Variants in ELMO1 observed in about 807,000 individuals in gnomAD.
The protein encoded by ELMO1 is engulfment and cell motility protein 1.
A neutral mutation model predicts 98.9 loss-of-function variants in ELMO1; 26 were observed. The observed-to-expected ratio is 0.26, with a 90% CI of 0.19 to 0.36. ELMO1 has a LOEUF of 0.36. ELMO1 is among the 10% of genes least tolerant of loss of function. The pLI, the probability that ELMO1 is intolerant of heterozygous loss-of-function variation, is 1.00. For synonymous variants in ELMO1, 346 were observed against 346.0 expected, an observed-to-expected ratio of 1.00 and a Z score of 0.00; for missense variants, 627 against 935.2, an observed-to-expected ratio of 0.67 and a Z score of 4.30.
intron 1 of ELMO1, among the ~76,000 whole-genome samples, chr7:37,355,269 C>A (rs1300210535): frequency 6.6e-6 from 1 of 152,172 alleles, no homozygotes; most frequent in Non-Finnish European, 1.5e-5. Context: ...GACAGAGGTA[C>A]CTTTCTCATG....
At chr7:37,308,597 G>A (rs1302174399) in intron 4 of ELMO1, among the ~76,000 whole-genome samples, 1 of 152,234 alleles carries the variant, frequency 6.6e-6, no homozygotes, top group Non-Finnish European at 1.5e-5. Context: ...TTCAGGTAAA[G>A]ATTTATTTTG....
At chr7:37,319,329 C>A (rs1286858561) in intron 2 of ELMO1, among the ~76,000 whole-genome samples, 2 of 152,300 alleles carry the variant, frequency 1.3e-5, no homozygotes, top group Non-Finnish European at 2.9e-5. Flanking sequence ...TCTCGTTAAC[C>A]TTTATGTCTT....
intron 16 of ELMO1, among the ~76,000 whole-genome samples, chr7:36,970,997 T>TG (rs1477938064): frequency 2.0e-5 from 3 of 152,198 alleles, no homozygotes; most frequent in Non-Finnish European, 1.5e-5. Flanking sequence ...TCACTGCCAT[T>TG]GCCAAGGAGA....
intron 17 of ELMO1, 72 bp downstream of exon 17, chr7:36,894,782 T>C: frequency 1.3e-6 from 2 of 1,592,614 alleles, no homozygotes; most frequent in Non-Finnish European, 1.7e-6. Flanking sequence ...CCCAGCTTCA[T>C]GACAGGCGGT....
At chr7:37,407,960 GA>G (rs1803840927) in intron 1 of ELMO1, among the ~76,000 whole-genome samples, 1 of 151,824 alleles carries the variant, frequency 6.6e-6, no homozygotes, top group African/African-American at 2.4e-5. Context: ...ATTTCTCTTA[GA>G]AAAAAATTGA....
chr7:37,190,979 G>A (rs1390513823), intron 13 of ELMO1, among the ~76,000 whole-genome samples: 1 of 151,700 alleles, frequency 6.6e-6, no homozygotes, highest in Non-Finnish European at 1.5e-5. Flanking sequence ...ATGAGGTCAA[G>A]GAGATAGAGA....
At chr7:37,079,276 G>A (rs1488481843) in intron 15 of ELMO1, among the ~76,000 whole-genome samples, 1 of 152,070 alleles carries the variant, frequency 6.6e-6, no homozygotes, top group Non-Finnish European at 1.5e-5. Context: ...GTGAAGCAAA[G>A]CCCCTTTAAA....
chr7:37,168,741 G>T (rs1369490583), intron 13 of ELMO1, among the ~76,000 whole-genome samples: 2 of 152,200 alleles, frequency 1.3e-5, no homozygotes, highest in Admixed American at 6.5e-5. Flanking sequence ...GTGTCAGTCT[G>T]CCCCTACTGG....
At chr7:37,372,252 A>T (rs1025377987) in intron 1 of ELMO1, among the ~76,000 whole-genome samples, 3 of 152,214 alleles carry the variant, frequency 2.0e-5, no homozygotes, top group African/African-American at 7.2e-5. Context: ...GGCATTTAAA[A>T]TATGAAGAAT....
chr7:37,158,436 A>G (rs191816215), intron 13 of ELMO1, among the ~76,000 whole-genome samples: 56 of 152,358 alleles, frequency 3.7e-4, no homozygotes, highest in African/African-American at 1.3e-3. Context: ...TCCAGAATTG[A>G]CAAAGTACTT....
chr7:37,302,330 C>T (rs146573102), intron 4 of ELMO1, among the ~76,000 whole-genome samples: 3 of 152,306 alleles, frequency 2.0e-5, no homozygotes, highest in African/African-American at 7.2e-5. Flanking sequence ...AGGCTTGTGA[C>T]TACTTGGAGA....
At chr7:37,147,475 C>A (rs1260045725) in intron 13 of ELMO1, among the ~76,000 whole-genome samples, 1 of 152,142 alleles carries the variant, frequency 6.6e-6, no homozygotes, top group Non-Finnish European at 1.5e-5. Flanking sequence ...CAATGAAGCT[C>A]TAAGACCACC....
At chr7:37,160,734 C>T (rs752488025) in intron 13 of ELMO1, among the ~76,000 whole-genome samples, 10 of 152,164 alleles carry the variant, frequency 6.6e-5, no homozygotes, top group African/African-American at 9.7e-5. Flanking sequence ...CCACCAGTCA[C>T]GTGGCTTCTG....
At chr7:37,235,670 T>C (rs1584852313) in intron 7 of ELMO1, among the ~76,000 whole-genome samples, 1 of 152,206 alleles carries the variant, frequency 6.6e-6, no homozygotes, top group African/African-American at 2.4e-5. Context: ...CCGTGGTTCA[T>C]GCCTGCAATC....
At chr7:37,448,144 G>C (rs1382791588) in intron 1 of ELMO1, among the ~76,000 whole-genome samples, 3 of 149,730 alleles carry the variant, frequency 2.0e-5, no homozygotes, top group East Asian at 4.0e-4. Context: ...TCCCACGAGC[G>C]CGCTCGCCGG....
intron 10 of ELMO1, among the ~76,000 whole-genome samples, chr7:37,222,289 A>C (rs1793639793): frequency 6.6e-6 from 1 of 152,122 alleles, no homozygotes; most frequent in Admixed American, 6.5e-5. Flanking sequence ...GGGGCTCCTA[A>C]CTCTGCTTCC....
At chr7:37,088,621 A>G (rs1283802091) in intron 15 of ELMO1, among the ~76,000 whole-genome samples, 1 of 152,152 alleles carries the variant, frequency 6.6e-6, no homozygotes, top group African/African-American at 2.4e-5. Context: ...GGCAAGATGA[A>G]GGTTAACCAT....
intron 4 of ELMO1, among the ~76,000 whole-genome samples, chr7:37,280,071 C>T (rs779192322): frequency 6.6e-6 from 1 of 151,656 alleles, no homozygotes; most frequent in African/African-American, 2.4e-5. Context: ...AACTGATCTT[C>T]GACAAAGCAA....
intron 10 of ELMO1, chr7:37,217,635 A>T: frequency 2.2e-6 from 1 of 452,358 alleles, no homozygotes; most frequent in South Asian, 1.6e-5. Context: ...AGGAGGGCAT[A>T]CAAGCAGGGG....
Sources: gnomAD v4.1 joint callset for allele counts (sites outside exome capture counted in the v4.1 genomes callset) on GRCh38, gnomAD v4.1.1 for gene constraint, MANE v1.5 for transcripts, NCBI Gene and HGNC (gene_info 2026-07-23, HGNC 2026-07-21) for gene names.